PKIG: variants seen among roughly 807,000 people sequenced by gnomAD.
PKIG encodes the protein cAMP-dependent protein kinase inhibitor gamma.
Under a neutral mutation model 6.8 loss-of-function variants are expected in PKIG, and 1 was observed. That is an observed-to-expected ratio of 0.15 (90% CI 0.05 to 0.69). The LOEUF (loss-of-function observed/expected upper bound fraction) is 0.69. Among genes scored for constraint, PKIG ranks in the 30% least tolerant of loss-of-function variants. PKIG has a pLI of 0.82. For missense variants in PKIG, 77 were observed against 104.0 expected, an observed-to-expected ratio of 0.74 and a Z score of 1.13; for synonymous variants, 39 against 43.0, an observed-to-expected ratio of 0.91 and a Z score of 0.36.
upstream of PKIG, among the ~76,000 whole-genome samples, chr20:44,581,580 G>A (rs759261308): frequency 6.6e-6 from 1 of 152,188 alleles, no homozygotes; most frequent in Non-Finnish European, 1.5e-5. Flanking sequence ...ATGATCTCTC[G>A]TAACCACTGC....
chr20:44,602,335 A>C (rs1341045096), intron 2 of PKIG, among the ~76,000 whole-genome samples: 1 of 152,182 alleles, frequency 6.6e-6, no homozygotes, highest in African/African-American at 2.4e-5. Context: ...TAACTGCATG[A>C]TCCACATGCA....
At chr20:44,551,504 A>C (rs1434516329) in intron 1 of PKIG, among the ~76,000 whole-genome samples, 2 of 152,198 alleles carry the variant, frequency 1.3e-5, no homozygotes, top group African/African-American at 4.8e-5. Flanking sequence ...ATATTTAAAA[A>C]TCAAGCAGAG....
At chr20:44,533,695 G>A (rs571346420) in intron 1 of PKIG, among the ~76,000 whole-genome samples, 1 of 152,118 alleles carries the variant, frequency 6.6e-6, no homozygotes, top group African/African-American at 2.4e-5. Flanking sequence ...AAAAAAAAAG[G>A]CTGAGATTAT....
intron 1 of PKIG, among the ~76,000 whole-genome samples, chr20:44,533,785 G>C (rs569014769): frequency 8.9e-4 from 135 of 152,288 alleles, no homozygotes; most frequent in African/African-American, 3.1e-3. Context: ...TAGAGAAACA[G>C]GAACAGGAGA....
intron 1 of PKIG, among the ~76,000 whole-genome samples, chr20:44,570,523 C>G (rs541886653): frequency 9.2e-5 from 14 of 152,264 alleles, no homozygotes; most frequent in African/African-American, 3.4e-4. Context: ...ACTGGCCACT[C>G]ACTAAAATGA....
intron 1 of PKIG, among the ~76,000 whole-genome samples, chr20:44,535,749 A>G (rs1302111479): frequency 6.6e-6 from 1 of 152,222 alleles, no homozygotes. Context: ...GTTTTCTTAA[A>G]TGTATACATG....
intron 1 of PKIG, among the ~76,000 whole-genome samples, chr20:44,569,589 G>GTTATTTTATTTTGTCATTTTAT (rs2064837717): frequency 6.6e-6 from 1 of 151,700 alleles, no homozygotes; most frequent in Non-Finnish European, 1.5e-5. Flanking sequence ...TATTTTTTTT[G>GTTATTTTATTTTGTCATTTTAT]TTATTTTATT....
chr20:44,584,229 A>G (rs898717330), intron 1 of PKIG, among the ~76,000 whole-genome samples: 1 of 152,142 alleles, frequency 6.6e-6, no homozygotes, highest in African/African-American at 2.4e-5. Context: ...TCAATTCCCC[A>G]TGTCTCCACT....
chr20:44,580,978 G>T (rs568759459), upstream of PKIG, among the ~76,000 whole-genome samples: 1 of 152,184 alleles, frequency 6.6e-6, no homozygotes, highest in Non-Finnish European at 1.5e-5. Flanking sequence ...GATTTGGGTA[G>T]CAAAGCAAGG....
intron 2 of PKIG, among the ~76,000 whole-genome samples, chr20:44,608,993 C>T (rs2065190899): frequency 6.6e-6 from 1 of 152,184 alleles, no homozygotes; most frequent in Non-Finnish European, 1.5e-5. Flanking sequence ...GTCTCATTAA[C>T]AGGGTTTGAG....
At chr20:44,539,579 C>T (rs564209356) in intron 1 of PKIG, among the ~76,000 whole-genome samples, 14 of 151,736 alleles carry the variant, frequency 9.2e-5, no homozygotes, top group Non-Finnish European at 1.2e-4. Context: ...CCACCACGCC[C>T]GGCTGATTTT....
At chr20:44,602,133 C>A (rs745901487) in intron 2 of PKIG, among the ~76,000 whole-genome samples, 1 of 152,250 alleles carries the variant, frequency 6.6e-6, no homozygotes, top group Admixed American at 6.5e-5. Flanking sequence ...ATACCAAAAC[C>A]TCCTGAGGAT....
At chr20:44,595,842 G>A (rs1006497759) in intron 2 of PKIG, among the ~76,000 whole-genome samples, 1 of 151,924 alleles carries the variant, frequency 6.6e-6, no homozygotes, top group Non-Finnish European at 1.5e-5. Context: ...CAACTGTCCT[G>A]TGGATGCCCC....
chr20:44,537,216 T>C (rs940914557), intron 1 of PKIG, among the ~76,000 whole-genome samples: 25 of 152,226 alleles, frequency 1.6e-4, no homozygotes, highest in African/African-American at 6.0e-4. Context: ...GCGATTCTCA[T>C]GCCTCAGCCT....
chr20:44,551,325 A>T (rs989400776), intron 1 of PKIG, among the ~76,000 whole-genome samples: 2 of 152,188 alleles, frequency 1.3e-5, no homozygotes, highest in African/African-American at 4.8e-5. Context: ...AAGTGCTGGG[A>T]TTACAGGCGT....
upstream of PKIG, among the ~76,000 whole-genome samples, chr20:44,578,272 C>T (rs1305344015): frequency 3.5e-5 from 5 of 140,992 alleles, no homozygotes; most frequent in Admixed American, 3.9e-4. Flanking sequence ...ACCTGGGAGG[C>T]GGAGCTTGCA....
At chr20:44,607,375 ATATTT>A (rs1568833617) in intron 2 of PKIG, among the ~76,000 whole-genome samples, 2 of 106,250 alleles carry the variant, frequency 1.9e-5, no homozygotes, top group African/African-American at 4.0e-5. Flanking sequence ...ATATATATAT[ATATTT>A]TTTTTTTTTT....
At chr20:44,533,052 G>T (rs1453352600) in intron 1 of PKIG, among the ~76,000 whole-genome samples, 1 of 152,178 alleles carries the variant, frequency 6.6e-6, no homozygotes, top group Non-Finnish European at 1.5e-5. Flanking sequence ...CCGGAGGTGT[G>T]TGTCTTTGAT....
chr20:44,606,350 CTG>C (rs2065163304), intron 2 of PKIG, among the ~76,000 whole-genome samples: 1 of 152,194 alleles, frequency 6.6e-6, no homozygotes, highest in African/African-American at 2.4e-5. Context: ...ATTAAGAAGA[CTG>C]TGGTGAAGGA....
Sources: allele counts gnomAD v4.1 joint callset (sites outside exome capture counted in the v4.1 genomes callset), GRCh38; gene constraint gnomAD v4.1.1; transcripts MANE v1.5; gene names NCBI Gene and HGNC (gene_info 2026-07-23, HGNC 2026-07-21).